Variants in KCNMB2 observed in about 807,000 individuals in gnomAD.
KCNMB2 encodes potassium calcium-activated channel subfamily M regulatory beta subunit 2.
KCNMB2 carries 9 observed loss-of-function variants against 24.5 expected under a neutral mutation model. That is an observed-to-expected ratio of 0.37 (90% CI 0.22 to 0.64). KCNMB2 has a LOEUF of 0.64. Among genes scored for constraint, KCNMB2 ranks in the 30% least tolerant of loss-of-function variants. The pLI is 0.63. For synonymous variants in KCNMB2, 109 were observed against 104.4 expected (o/e 1.04, Z -0.27); for missense variants, 226 against 284.3 (o/e 0.79, Z 1.47).
chr3:178,630,069 T>C (rs114681722), intron 1 of KCNMB2, among the ~76,000 whole-genome samples: 1 of 152,204 alleles, frequency 6.6e-6, no homozygotes, highest in African/African-American at 2.4e-5. Flanking sequence ...CCTGCCCCAG[T>C]GTCCACCATA....
intron 1 of KCNMB2, among the ~76,000 whole-genome samples, chr3:178,555,524 G>C (rs1466745133): frequency 2.0e-5 from 3 of 152,170 alleles, no homozygotes; most frequent in Non-Finnish European, 2.9e-5. Context: ...TATAACACAT[G>C]TGCTCATATG....
At position 178,732,540 on chromosome 3, in the gene KCNMB2, T is replaced by C. The variant is rs556427516; in HGVS notation, c.-67-74803T>C. On this transcript the variant is annotated intron_variant, in intron 1 of 4. Transcript: ENST00000452583. ...GGGTTTTGTTGGTGATTTTATTGTT[T>C]AAAATGTCCCCCAAGCATAGTACTG... 2.0e-5 allele frequency among the ~76,000 whole-genome samples: 3 copies of C among 152,306 alleles called. No homozygotes were observed. The South Asian group carries it at 6.2e-4, about 32-fold the overall frequency.
chr3:178,684,472 A>G (rs1721388045), intron 1 of KCNMB2, among the ~76,000 whole-genome samples: 1 of 152,120 alleles, frequency 6.6e-6, no homozygotes, highest in African/African-American at 2.4e-5. Context: ...GTGCCAAATA[A>G]GTAGATTTTA....
chr3:178,727,479 A>G (rs1405176744), intron 1 of KCNMB2, among the ~76,000 whole-genome samples: 1 of 152,160 alleles, frequency 6.6e-6, no homozygotes, highest in East Asian at 1.9e-4. Flanking sequence ...GATTAAGTTA[A>G]TAACCTTGAG....
intron 1 of KCNMB2, among the ~76,000 whole-genome samples, chr3:178,577,740 T>A (rs1717048879): frequency 6.6e-6 from 1 of 151,856 alleles, no homozygotes; most frequent in African/African-American, 2.4e-5. Context: ...TACACAAATA[T>A]CAATAGCCGA....
intron 4 of KCNMB2, among the ~76,000 whole-genome samples, chr3:178,834,134 T>C (rs774861946): frequency 1.3e-5 from 2 of 152,212 alleles, no homozygotes; most frequent in Non-Finnish European, 2.9e-5. Context: ...TTTTTTGGTA[T>C]ATGGCATAAT....
Position 178,610,925 on chromosome 3 carries a change from C to T in KCNMB2, c.-68+74214C>T, listed in dbSNP as rs938301277. ...TTCCTTCTATACCTAGTCTTCCTGA[C>T]GGTTTTTATCATGAAGTGATGTTGA... On this transcript the variant is annotated intron_variant, in intron 1 of 4. Coordinates refer to ENST00000452583, the MANE Select transcript of KCNMB2 (RefSeq NM_181361.3). Among the ~76,000 whole-genome samples, 6 of 152,154 alleles carry T rather than the reference C, an allele frequency of 3.9e-5. No individual in the cohort carries two copies. The East Asian group carries it at 5.8e-4, about 15-fold the overall frequency.
chr3:178,680,799 A>C (rs75885951), intron 1 of KCNMB2, among the ~76,000 whole-genome samples: 9,155 of 152,264 alleles, frequency 0.06, 416 homozygotes, highest in Admixed American at 0.13. Flanking sequence ...TATCCCAGTA[A>C]AGAAATTTTA....
At position 178,807,416 on chromosome 3, in the gene KCNMB2, A is replaced by G. The variant is rs1442118540; in HGVS notation, c.7A>G (p.Ile3Val). 1.2e-6 allele frequency: 2 copies of G among 1,613,818 alleles called. No homozygotes were observed. Among genetic ancestry groups the G allele is most frequent in the South Asian group, 2.2e-5 (2 of 91,046 alleles). Residue 3 changes from isoleucine to valine, a missense_variant, in exon 2 of 5, where the codon ATA (isoleucine) becomes GTA (valine). Physicochemically the swap from Ile to Val is conservative, Grantham distance 29 (BLOSUM62 3). Coordinates refer to ENST00000452583, the MANE Select transcript of KCNMB2 (RefSeq NM_181361.3). Reference protein sequence around the residue: MFIWTSGRTSSSY... With the variant: MFVWTSGRTSSSY... ...TGGACCAACATTCTCTAAGATGTTT[A>G]TATGGACCAGTGGCCGGACCTCTTC...
chr3:178,606,789 T>A (rs533419234), intron 1 of KCNMB2, among the ~76,000 whole-genome samples: 2 of 152,248 alleles, frequency 1.3e-5, no homozygotes, highest in East Asian at 3.9e-4. Context: ...GGGGCTTTGG[T>A]AGGAGAGTAA....
At chr3:178,772,314 G>C (rs1712403295) in intron 1 of KCNMB2, among the ~76,000 whole-genome samples, 1 of 152,110 alleles carries the variant, frequency 6.6e-6, no homozygotes, top group African/African-American at 2.4e-5. Context: ...ATATGGTTTG[G>C]CTGTGTCCCC....
rs149395144 is a variant in KCNMB2 at position 178,818,072 on chromosome 3, T to C, written c.57-7516T>C. Among the ~76,000 whole-genome samples, 131 of 152,302 alleles carry C rather than the reference T, an allele frequency of 8.6e-4. 2 individuals carry two copies. The East Asian group carries it at 0.024, about 27-fold the overall frequency. ...TTCTAATTCATGCTTTCCCTACTTC[T>C]CTTCCCTGCATCCACCAGGTGCCCC... On this transcript the variant is annotated intron_variant, in intron 2 of 4. Transcript: ENST00000452583.
chr3:178,707,421 T>C (rs1297384602), intron 1 of KCNMB2, among the ~76,000 whole-genome samples: 1 of 152,116 alleles, frequency 6.6e-6, no homozygotes, highest in East Asian at 1.9e-4. Context: ...CAGTTGGTAC[T>C]CTGAAGTGCC....
At chr3:178,648,292 C>T (rs1251296105) in intron 1 of KCNMB2, among the ~76,000 whole-genome samples, 1 of 152,174 alleles carries the variant, frequency 6.6e-6, no homozygotes, top group African/African-American at 2.4e-5. Context: ...AATCCCAACA[C>T]TTTGGGAAAC....
intron 1 of KCNMB2, among the ~76,000 whole-genome samples, chr3:178,633,956 T>G (rs1459295014): frequency 6.6e-6 from 1 of 152,188 alleles, no homozygotes; most frequent in East Asian, 1.9e-4. Context: ...ATGCCGCTAG[T>G]CTCTTTGCAT....
At chr3:178,796,326 C>A (rs2108444206) in intron 1 of KCNMB2, among the ~76,000 whole-genome samples, 1 of 152,288 alleles carries the variant, frequency 6.6e-6, no homozygotes, top group East Asian at 1.9e-4. Context: ...CAACACCCCA[C>A]TTTCAGTATT....
intron 1 of KCNMB2, among the ~76,000 whole-genome samples, chr3:178,553,428 C>T (rs35792166): frequency 0.31 from 46,471 of 152,028 alleles, 8,030 homozygotes; most frequent in East Asian, 0.44. Context: ...GGACAAACCA[C>T]TCAAATGCAA....
At chr3:178,757,181 A>C (rs1288819316) in intron 1 of KCNMB2, 1 of 134,806 alleles carries the variant, frequency 7.4e-6, no homozygotes, top group Non-Finnish European at 1.7e-5. Flanking sequence ...TCAAGAAGTA[A>C]AACCAAAAAA....
At chr3:178,632,507 A>G (rs1220627520) in intron 1 of KCNMB2, among the ~76,000 whole-genome samples, 1 of 152,142 alleles carries the variant, frequency 6.6e-6, no homozygotes, top group Non-Finnish European at 1.5e-5. Context: ...GAAAAAGGGG[A>G]AATGCCACTT....
Sources: gnomAD v4.1 joint callset for allele counts (sites outside exome capture counted in the v4.1 genomes callset) on GRCh38, gnomAD v4.1.1 for gene constraint, MANE v1.5 for transcripts, NCBI Gene and HGNC (gene_info 2026-07-23, HGNC 2026-07-21) for gene names.